The following ERG variants were observed in gnomAD, a reference collection of about 807,000 sequenced individuals.
The protein encoded by ERG is ETS transcription factor ERG.
A neutral mutation model predicts 55.3 loss-of-function variants in ERG; 9 were observed. The observed-to-expected ratio is 0.16, with a 90% CI of 0.10 to 0.28. The LOEUF (loss-of-function observed/expected upper bound fraction) is 0.28. ERG is among the 10% of genes least tolerant of loss of function. ERG has a pLI of 1.00. For missense variants in ERG, 434 were observed against 631.6 expected, an observed-to-expected ratio of 0.69 and a Z score of 3.35; for synonymous variants, 223 against 237.3, an observed-to-expected ratio of 0.94 and a Z score of 0.55.
intron 3 of ERG, among the ~76,000 whole-genome samples, chr21:38,404,532 A>T (rs1988669009): frequency 6.6e-6 from 1 of 152,078 alleles, no homozygotes; most frequent in African/African-American, 2.4e-5. Context: ...TGTGGTAAAC[A>T]CCCTCAGTGG....
intron 1 of ERG, among the ~76,000 whole-genome samples, chr21:38,613,285 G>C (rs981663726): frequency 4.6e-5 from 7 of 152,304 alleles, no homozygotes; most frequent in African/African-American, 1.4e-4. Flanking sequence ...TTTTCTGAAC[G>C]AAAGTTAGCA....
chr21:38,402,047 C>T (rs1024053112), intron 5 of ERG, among the ~76,000 whole-genome samples: 1 of 152,132 alleles, frequency 6.6e-6, no homozygotes, highest in Admixed American at 6.5e-5. Context: ...TCCCTCCTGC[C>T]TTTTGCAAAC....
chr21:38,593,813 A>G (rs2060115541), intron 1 of ERG, among the ~76,000 whole-genome samples: 1 of 152,194 alleles, frequency 6.6e-6, no homozygotes, highest in Non-Finnish European at 1.5e-5. Context: ...CATATAAGAG[A>G]CTTTATTACA....
chr21:38,374,475 C>A, the ERG span, among the ~76,000 whole-genome samples: 1 of 152,170 alleles, frequency 6.6e-6, no homozygotes. Flanking sequence ...AGTCTTAAGA[C>A]CACATGAGTA....
chr21:38,604,805 T>C (rs2836566), intron 1 of ERG, among the ~76,000 whole-genome samples: 26,638 of 152,202 alleles, frequency 0.18, 2,385 homozygotes, highest in East Asian at 0.29. Flanking sequence ...TCAGCTTGAA[T>C]AGAAGCAACT....
At chr21:38,456,699 C>T (rs2034305486) in intron 1 of ERG, among the ~76,000 whole-genome samples, 1 of 152,176 alleles carries the variant, frequency 6.6e-6, no homozygotes, top group African/African-American at 2.4e-5. Flanking sequence ...TAGTCTTCAC[C>T]CACTGTGAGG....
intron 1 of ERG, among the ~76,000 whole-genome samples, chr21:38,482,028 A>G (rs1340567506): frequency 6.6e-6 from 1 of 152,200 alleles, no homozygotes; most frequent in African/African-American, 2.4e-5. Context: ...TTGCTCATCA[A>G]GGCAAGTGTC....
intron 2 of ERG, among the ~76,000 whole-genome samples, chr21:38,528,981 C>T (rs1381381412): frequency 6.6e-6 from 1 of 152,008 alleles, no homozygotes; most frequent in Non-Finnish European, 1.5e-5. Context: ...TCATTGTCAA[C>T]CTTTTAAATT....
intron 2 of ERG, among the ~76,000 whole-genome samples, chr21:38,442,582 G>T (rs558338694): frequency 6.6e-6 from 1 of 152,114 alleles, no homozygotes; most frequent in African/African-American, 2.4e-5. Context: ...ATGGACTGAA[G>T]CTCCTGGTGT....
intron 1 of ERG, among the ~76,000 whole-genome samples, chr21:38,578,287 A>C (rs1010808879): frequency 3.3e-5 from 5 of 152,294 alleles, no homozygotes; most frequent in Non-Finnish European, 7.4e-5. Context: ...TCATTGAAAC[A>C]CCCTGTAAGT....
intron 7 of ERG, 48 bp from the exon 8 acceptor site, chr21:38,391,763 C>A (rs2146429650): frequency 1.4e-6 from 2 of 1,470,082 alleles, no homozygotes; most frequent in South Asian, 1.1e-5. Flanking sequence ...CAGATTTGGT[C>A]ACTAGTCTTT....
At chr21:38,552,164 C>T (rs749572249) in intron 2 of ERG, among the ~76,000 whole-genome samples, 35 of 151,916 alleles carry the variant, frequency 2.3e-4, no homozygotes, top group African/African-American at 7.2e-4. Flanking sequence ...AGACCAATAA[C>T]GAATTACAAA....
At chr21:38,537,377 TATAAA>T (rs1289454401) in intron 2 of ERG, among the ~76,000 whole-genome samples, 2 of 151,886 alleles carry the variant, frequency 1.3e-5, no homozygotes, top group African/African-American at 4.8e-5. Flanking sequence ...AAAGACATCC[TATAAA>T]ATAAGAGAAA....
chr21:38,418,927 CAAAAAAAAAAAA>C (rs35001409), intron 3 of ERG, among the ~76,000 whole-genome samples: 1 of 80,924 alleles, frequency 1.2e-5, no homozygotes, highest in Non-Finnish European at 2.4e-5. Flanking sequence ...GACTTTGTCT[CAAAAAAAAAAAA>C]AAAAAAAAAA....
At chr21:38,552,140 T>G (rs557790375) in intron 2 of ERG, among the ~76,000 whole-genome samples, 1 of 152,246 alleles carries the variant, frequency 6.6e-6, no homozygotes, top group East Asian at 1.9e-4. Flanking sequence ...AAGTCTGAAA[T>G]TGAAACGCTG....
At chr21:38,576,771 G>A (rs1231752669) in intron 1 of ERG, among the ~76,000 whole-genome samples, 1 of 151,982 alleles carries the variant, frequency 6.6e-6, no homozygotes, top group Non-Finnish European at 1.5e-5. Flanking sequence ...GAGAGGAGAG[G>A]GGTATCTCTT....
chr21:38,403,828 C>CAGGG, intron 3 of ERG, 119 bp from the exon 4 acceptor site: 1 of 909,360 alleles, frequency 1.1e-6, no homozygotes, highest in Non-Finnish European at 1.7e-6. Flanking sequence ...AGCCTCCAGC[C>CAGGG]AGCCTCCCTG....
In ERG at chr21:38,446,226, CAAAAAAAAAAAAAA is replaced by C. The variant is rs71184626; in HGVS notation, c.19-619_19-606del. ...GTGAGCATCTGGATGATAAATGAAC[CAAAAAAAAAAAAAA>C]AAAAAAAAAAAAAGCTGTGAAGTAT... On this transcript the variant is annotated intron_variant, in intron 1 of 9. Transcript: ENST00000288319. Among the ~76,000 whole-genome samples, 3 of 63,608 alleles carry C rather than the reference CAAAAAAAAAAAAAA, an allele frequency of 4.7e-5. No homozygotes were observed. In the East Asian group the frequency reaches 2.0e-3, roughly 43 times the overall value. 41.7% of individuals were successfully genotyped at this position (63,608 alleles called of 152,430 possible).
At chr21:38,587,107 A>G (rs531246295), upstream of ERG, among the ~76,000 whole-genome samples, 1 of 152,224 alleles carries the variant, frequency 6.6e-6, no homozygotes, top group Non-Finnish European at 1.5e-5. Context: ...TTCCTTCTTT[A>G]TAGTTTTGTG....
Sources: allele counts gnomAD v4.1 joint callset (sites outside exome capture counted in the v4.1 genomes callset), GRCh38; gene constraint gnomAD v4.1.1; transcripts MANE v1.5; gene names NCBI Gene and HGNC (gene_info 2026-07-23, HGNC 2026-07-21).